Variants in NUGGC observed in about 807,000 individuals in gnomAD.
NUGGC encodes the protein nuclear GTPase SLIP-GC.
Under a neutral mutation model 92.6 loss-of-function variants are expected in NUGGC, and 58 were observed. The observed-to-expected ratio is 0.63, with a 90% confidence interval of 0.51 to 0.78. The LOEUF is 0.78. NUGGC is among the 30% of genes least tolerant of loss of function. NUGGC has a pLI of 0.00. For missense variants in NUGGC, 925 were observed against 964.6 expected, an observed-to-expected ratio of 0.96 and a Z score of 0.54; for synonymous variants, 376 against 366.4, an observed-to-expected ratio of 1.03 and a Z score of -0.30.
In NUGGC at chr8:28,030,404, G is replaced by T; in HGVS notation, c.1923C>A (p.Leu641=). The change falls in exon 16 of 19, where the codon CTC becomes CTA. Residue 641 remains leucine, a synonymous_variant. Transcript: ENST00000413272. ...TGAGGATGTGGTCCTCCAGGCCCCC[G>T]AGGATGGCACTTATCTGGGAAGATG... is the stretch of plus-strand genomic sequence containing the variant. ...NFLIQEISAI[L]GGLEDHILRR... is the part of the protein sequence containing the mutation. The T allele has an allele frequency of 6.4e-7, 1 of 1,567,310 alleles. No individual in the cohort carries two copies. The highest frequency in any genetic ancestry group is 1.3e-5 in the African/African-American group (1 of 74,134).
intron 17 of NUGGC, among the ~76,000 whole-genome samples, chr8:28,027,384 C>T (rs570689836): frequency 9.3e-4 from 142 of 152,280 alleles, no homozygotes; most frequent in Non-Finnish European, 1.5e-3. Flanking sequence ...ATGGCAATCA[C>T]AGAGATGGAA....
At chr8:28,069,772 G>A (rs549203316) in intron 3 of NUGGC, 120 bp from the exon 4 acceptor site, 184 of 693,894 alleles carry the variant, frequency 2.7e-4, no homozygotes, top group African/African-American at 2.1e-3. Flanking sequence ...ATGAAAAGCC[G>A]ATTAAACAAG....
At chr8:28,077,464 G>A (rs1462707118) in intron 1 of NUGGC, among the ~76,000 whole-genome samples, 1 of 151,978 alleles carries the variant, frequency 6.6e-6, no homozygotes, top group Non-Finnish European at 1.5e-5. Flanking sequence ...CTATTTGGGA[G>A]GCTAAGATGG....
intron 7 of NUGGC, 49 bp downstream of exon 7, chr8:28,064,473 G>A: frequency 6.9e-7 from 1 of 1,455,398 alleles, no homozygotes; most frequent in Non-Finnish European, 9.6e-7. Context: ...CTTGAGAAAG[G>A]GTAGAGGAGT....
intron 3 of NUGGC, chr8:28,070,043 A>T: frequency 1.1e-6 from 1 of 942,070 alleles, no homozygotes; most frequent in African/African-American, 1.8e-5. Context: ...GGAAGAAGTT[A>T]TTTTGATAAC....
At chr8:28,035,870 C>T (rs183970096) in intron 13 of NUGGC, among the ~76,000 whole-genome samples, 21 of 152,286 alleles carry the variant, frequency 1.4e-4, no homozygotes, top group African/African-American at 4.6e-4. Flanking sequence ...ATGTGATATT[C>T]GTCTTAACGA....
At chr8:28,051,712 C>G (rs1317098332) in intron 10 of NUGGC, among the ~76,000 whole-genome samples, 1 of 152,088 alleles carries the variant, frequency 6.6e-6, no homozygotes, top group African/African-American at 2.4e-5. Flanking sequence ...CACCTGAGGT[C>G]GGGAGTTTGA....
At chr8:28,079,329 C>G (rs930220025) in intron 1 of NUGGC, among the ~76,000 whole-genome samples, 2 of 152,106 alleles carry the variant, frequency 1.3e-5, no homozygotes, top group African/African-American at 4.8e-5. Flanking sequence ...ATCACAAGGT[C>G]AGGAGTTTGA....
intron 1 of NUGGC, among the ~76,000 whole-genome samples, chr8:28,076,749 T>C (rs560370700): frequency 2.6e-5 from 4 of 152,270 alleles, no homozygotes; most frequent in Non-Finnish European, 5.9e-5. Flanking sequence ...AAGACACAGG[T>C]AAAGGCAGAA....
chr8:28,066,254 A>C (rs541916007), intron 6 of NUGGC, among the ~76,000 whole-genome samples: 1 of 152,340 alleles, frequency 6.6e-6, no homozygotes, highest in African/African-American at 2.4e-5. Context: ...AATCATTTTA[A>C]TAGTAATATT....
intron 7 of NUGGC, among the ~76,000 whole-genome samples, chr8:28,061,665 G>A (rs767759013): frequency 3.5e-4 from 53 of 152,124 alleles, no homozygotes; most frequent in Non-Finnish European, 6.5e-4. Context: ...CAGTACAATC[G>A]GGGCTAATGA....
rs181772308 is a variant in NUGGC at position 28,073,590 on chromosome 8, T to C, written c.43+778A>G. On this transcript the variant is annotated intron_variant, in intron 2 of 18. Transcript: ENST00000413272. ...GGGTTATATCCCTGTCATCGTCCTA[T>C]AGGGAAGCCTCCCTTATTGGCTCCA... Among the ~76,000 whole-genome samples, 4 of 152,296 alleles carry C rather than the reference T, an allele frequency of 2.6e-5. No homozygotes were observed. In the East Asian group the frequency reaches 7.7e-4, roughly 29 times the overall value.
intron 9 of NUGGC, among the ~76,000 whole-genome samples, chr8:28,057,209 T>C (rs1488261383): frequency 2.0e-5 from 3 of 152,210 alleles, no homozygotes; most frequent in Non-Finnish European, 2.9e-5. Flanking sequence ...GGTCTGCAGC[T>C]GCTGTTGCCT....
intron 18 of NUGGC, among the ~76,000 whole-genome samples, chr8:28,024,356 G>A (rs1373734982): frequency 6.6e-6 from 1 of 152,032 alleles, no homozygotes; most frequent in South Asian, 2.1e-4. Flanking sequence ...AGCCTTGGTT[G>A]GGCCTTTGTC....
intron 4 of NUGGC, 114 bp downstream of exon 4, chr8:28,069,430 C>G (rs1374362607): frequency 1.6e-6 from 1 of 620,118 alleles, no homozygotes. Flanking sequence ...ATTTGTGTCC[C>G]TCTTTTCTTA....
chr8:28,065,152 C>CTTTTTTTTTTT (rs5890398), intron 6 of NUGGC, among the ~76,000 whole-genome samples: 1 of 79,884 alleles, frequency 1.3e-5, no homozygotes, highest in Non-Finnish European at 2.4e-5. Flanking sequence ...GAAATTGGAT[C>CTTTTTTTTTTT]TTTTTTTTTT....
At chr8:28,047,965 T>C (rs1379465017) in intron 10 of NUGGC, among the ~76,000 whole-genome samples, 1 of 152,234 alleles carries the variant, frequency 6.6e-6, no homozygotes, top group East Asian at 1.9e-4. Context: ...GAATAGGCAG[T>C]GATGTGCTGC....
At chr8:28,081,181 T>C (rs1345753998) in intron 1 of NUGGC, among the ~76,000 whole-genome samples, 3 of 151,900 alleles carry the variant, frequency 2.0e-5, no homozygotes. Context: ...TACCTGGGCA[T>C]GGTGCAGCAT....
intron 11 of NUGGC, among the ~76,000 whole-genome samples, chr8:28,046,751 G>C (rs1010624465): frequency 2.0e-5 from 3 of 150,032 alleles, no homozygotes; most frequent in Non-Finnish European, 4.4e-5. Context: ...TGCGATCTCG[G>C]CTCACTGCAA....
Sources: gnomAD v4.1 joint callset for allele counts (sites outside exome capture counted in the v4.1 genomes callset) on GRCh38, gnomAD v4.1.1 for gene constraint, MANE v1.5 for transcripts, NCBI Gene and HGNC (gene_info 2026-07-23, HGNC 2026-07-21) for gene names.